The following SNX14 variants were observed in gnomAD, a reference collection of about 807,000 sequenced individuals.
SNX14 encodes sorting nexin-14.
SNX14 carries 93 observed loss-of-function variants against 133.8 expected under a neutral mutation model. The observed-to-expected ratio is 0.70, with a 90% CI of 0.59 to 0.83. The LOEUF (loss-of-function observed/expected upper bound fraction) is 0.83, where lower values mean the gene tolerates loss of function less well. Among genes scored for constraint, SNX14 ranks in the 40% least tolerant of loss-of-function variants. The pLI is 0.00. For synonymous variants in SNX14, 368 were observed against 365.6 expected (o/e 1.01, Z -0.07); for missense variants, 945 against 1,094.9 (o/e 0.86, Z 1.93).
At chr6:85,519,196 T>C (rs1346873753) in intron 21 of SNX14, among the ~76,000 whole-genome samples, 1 of 152,238 alleles carries the variant, frequency 6.6e-6, no homozygotes, top group African/African-American at 2.4e-5. Context: ...AATAAAAAGA[T>C]ACACAAACAC....
intron 1 of SNX14, among the ~76,000 whole-genome samples, chr6:85,576,905 G>A (rs1477898065): frequency 6.6e-6 from 1 of 152,144 alleles, no homozygotes; most frequent in Non-Finnish European, 1.5e-5. Context: ...TTTTCAGAAG[G>A]ATATCATTAG....
intron 1 of SNX14, chr6:85,589,411 C>G (rs1802095553): frequency 6.5e-6 from 1 of 154,690 alleles, no homozygotes; most frequent in African/African-American, 2.4e-5. Flanking sequence ...TTTGTAGAGA[C>G]AGGGTTTCAC....
At chr6:85,566,424 A>G (rs528163582) in intron 5 of SNX14, among the ~76,000 whole-genome samples, 2 of 152,090 alleles carry the variant, frequency 1.3e-5, no homozygotes, top group Admixed American at 1.3e-4. Flanking sequence ...TCGGCCAGGC[A>G]TGGTGGCTCA....
At chr6:85,523,728 G>A (rs567806801) in intron 21 of SNX14, among the ~76,000 whole-genome samples, 6 of 152,038 alleles carry the variant, frequency 3.9e-5, no homozygotes, top group Non-Finnish European at 8.8e-5. Flanking sequence ...TCACGCCACC[G>A]CACTCCAGCC....
chr6:85,530,133 ATAGTTT>A lies in SNX14; in HGVS notation c.1894+53_1894+58del, dbSNP rs1413606941. ...AAAATAAAAAAATTAATCTGGTGTC[ATAGTTT>A]TAAAGAATGCTAATGCTGAAATGTA... On this transcript the variant is annotated intron_variant, in intron 19 of 28. Transcript: ENST00000314673. 55 of 1,017,090 alleles carry A rather than the reference ATAGTTT, an allele frequency of 5.4e-5. No individual in the cohort carries two copies. The African/African-American group carries it at 8.9e-4, about 16-fold the overall frequency. 63.0% of individuals were successfully genotyped at this position (1,017,090 alleles called of 1,614,324 possible).
At chr6:85,535,367 C>A (rs915881151) in intron 17 of SNX14, among the ~76,000 whole-genome samples, 1 of 151,802 alleles carries the variant, frequency 6.6e-6, no homozygotes, top group Non-Finnish European at 1.5e-5. Context: ...GTAGTCTCAA[C>A]ACTTTGGGAC....
At position 85,533,287 on chromosome 6, in the gene SNX14, ATAAT is replaced by A. The variant is rs1208500743; in HGVS notation, c.1810+308_1810+311del. The stretch of plus-strand genomic sequence containing the variant: ...TGATACAGTGCTATATGGATTAATG[ATAAT>A]TAAGTAAGTGCAATGGCTAATGATG... On this transcript the variant is annotated intron_variant, in intron 18 of 28. Coordinates refer to ENST00000314673, the MANE Select transcript of SNX14 (RefSeq NM_153816.6). Among the ~76,000 whole-genome samples the A allele has an allele frequency of 5.9e-5, 9 of 152,360 alleles. No individual in the cohort carries two copies. In the East Asian group the frequency reaches 1.7e-3, roughly 29 times the overall value.
intron 26 of SNX14, among the ~76,000 whole-genome samples, chr6:85,510,963 A>G (rs540773406): frequency 6.6e-6 from 1 of 152,330 alleles, no homozygotes; most frequent in South Asian, 2.1e-4. Flanking sequence ...CCACAAAACA[A>G]CTTACTGGGA....
chr6:85,532,468 T>C (rs1780594101), intron 18 of SNX14, among the ~76,000 whole-genome samples: 1 of 152,180 alleles, frequency 6.6e-6, no homozygotes, highest in South Asian at 2.1e-4. Context: ...CTGAGGAAAA[T>C]CAGAAAACCT....
At chr6:85,579,193 C>G (rs1798283738) in intron 1 of SNX14, among the ~76,000 whole-genome samples, 1 of 152,108 alleles carries the variant, frequency 6.6e-6, no homozygotes, top group African/African-American at 2.4e-5. Context: ...CAAGGATGGC[C>G]TGGCCATCAT....
rs937846159 is a variant in SNX14, at chr6:85,527,400, T to A, written c.1995+862A>T. On this transcript the variant is annotated intron_variant, in intron 20 of 28. Coordinates refer to ENST00000314673, the MANE Select transcript of SNX14 (RefSeq NM_153816.6). ...CAGAAGATACCTATATATATATATT[T>A]TTTTTTCAACTTAGGGTTGAAAGCA... Among the ~76,000 whole-genome samples the A allele has an allele frequency of 3.0e-3, 454 of 151,630 alleles. 5 individuals carry two copies. The highest frequency in any genetic ancestry group is 0.01 in the African/African-American group (414 of 41,360).
At chr6:85,542,552 G>A (rs1481933856) in intron 14 of SNX14, among the ~76,000 whole-genome samples, 4 of 151,610 alleles carry the variant, frequency 2.6e-5, no homozygotes, top group East Asian at 3.9e-4. Context: ...CCGCCACCAC[G>A]CCCAGCTAGT....
intron 7 of SNX14, among the ~76,000 whole-genome samples, chr6:85,555,643 G>A (rs1316482443): frequency 6.6e-6 from 1 of 152,150 alleles, no homozygotes; most frequent in African/African-American, 2.4e-5. Flanking sequence ...CTGTAATGAT[G>A]AATACATGAT....
chr6:85,535,604 CAAAAAA>C (rs10707377), intron 17 of SNX14, among the ~76,000 whole-genome samples: 3 of 84,332 alleles, frequency 3.6e-5, no homozygotes, highest in African/African-American at 1.3e-4. Flanking sequence ...GACTCCGTCT[CAAAAAA>C]AAAAAAAAAA....
intron 8 of SNX14, among the ~76,000 whole-genome samples, chr6:85,548,900 G>C (rs2128103055): frequency 6.6e-6 from 1 of 150,580 alleles, no homozygotes; most frequent in Non-Finnish European, 1.5e-5. Flanking sequence ...CCGGCAGGCA[G>C]AGGTTGCAGT....
At chr6:85,551,903 T>A (rs943970385) in intron 7 of SNX14, among the ~76,000 whole-genome samples, 1 of 152,218 alleles carries the variant, frequency 6.6e-6, no homozygotes, top group Non-Finnish European at 1.5e-5. Flanking sequence ...ACTAGTATTT[T>A]CAAATGTAAA....
chr6:85,587,117 T>A (rs902355714), intron 1 of SNX14, among the ~76,000 whole-genome samples: 3 of 151,500 alleles, frequency 2.0e-5, no homozygotes, highest in African/African-American at 4.9e-5. Flanking sequence ...TGGCCTCAAG[T>A]GATCCTCCCA....
intron 26 of SNX14, among the ~76,000 whole-genome samples, chr6:85,509,083 CG>C (rs1771822765): frequency 6.6e-6 from 1 of 152,130 alleles, no homozygotes; most frequent in East Asian, 1.9e-4. Flanking sequence ...AACAAATATA[CG>C]TAATTCTTTC....
At chr6:85,588,977 T>G (rs1583168675) in intron 1 of SNX14, 1 of 444,154 alleles carries the variant, frequency 2.3e-6, no homozygotes, top group Admixed American at 2.5e-5. Flanking sequence ...GTGAAAGAGG[T>G]AGAAGGGGAT....
Sources: allele counts gnomAD v4.1 joint callset (sites outside exome capture counted in the v4.1 genomes callset), GRCh38; gene constraint gnomAD v4.1.1; transcripts MANE v1.5; gene names NCBI Gene and HGNC (gene_info 2026-07-23, HGNC 2026-07-21).